The following ENOX1 variants were observed in gnomAD, a reference collection of about 807,000 sequenced individuals.
ENOX1 encodes the protein candidate growth-related and time keeping constitutive hydroquinone (NADH) oxidase.
In ENOX1, 42 loss-of-function variants were observed where a neutral mutation model predicts 82.5. The ratio of observed to expected loss-of-function variants is 0.51; its 90% CI spans 0.40 to 0.66. The LOEUF is 0.66. Ranked by LOEUF, ENOX1 falls within the 30% of genes least tolerant of loss-of-function variation. ENOX1 has a pLI of 0.00. For missense variants in ENOX1, 608 were observed against 811.6 expected (o/e 0.75, Z 3.05); for synonymous variants, 271 against 282.2 (o/e 0.96, Z 0.40).
chr13:43,385,147 A>G (rs1453487401), intron 5 of ENOX1, among the ~76,000 whole-genome samples: 1 of 152,170 alleles, frequency 6.6e-6, no homozygotes, highest in Non-Finnish European at 1.5e-5. Context: ...TACATTTGGG[A>G]TATTTCATAA....
chr13:43,302,535 G>T (rs1451861339), intron 11 of ENOX1, among the ~76,000 whole-genome samples: 2 of 152,162 alleles, frequency 1.3e-5, no homozygotes, highest in African/African-American at 4.8e-5. Context: ...TGCTAGGCAA[G>T]ATTGTTATAC....
intron 2 of ENOX1, among the ~76,000 whole-genome samples, chr13:43,642,698 T>C (rs1172434099): frequency 6.6e-6 from 1 of 152,184 alleles, no homozygotes; most frequent in African/African-American, 2.4e-5. Flanking sequence ...TGGGATTGGA[T>C]TCCTTTACTT....
chr13:43,415,388 C>T (rs1594444808), intron 3 of ENOX1, among the ~76,000 whole-genome samples: 1 of 151,742 alleles, frequency 6.6e-6, no homozygotes, highest in African/African-American at 2.4e-5. Flanking sequence ...GGCAGAGGTC[C>T]CTGCGGCCTT....
chr13:43,484,978 A>G (rs1298282794), intron 2 of ENOX1, among the ~76,000 whole-genome samples: 2 of 152,104 alleles, frequency 1.3e-5, no homozygotes, highest in Non-Finnish European at 2.9e-5. Context: ...CAAACTTCTC[A>G]TCTTCCTCTG....
At chr13:43,451,247 C>T (rs1413563717) in intron 3 of ENOX1, among the ~76,000 whole-genome samples, 1 of 152,140 alleles carries the variant, frequency 6.6e-6, no homozygotes, top group East Asian at 1.9e-4. Flanking sequence ...TAAGAGCAAA[C>T]TTTGCTAGTG....
intron 2 of ENOX1, among the ~76,000 whole-genome samples, chr13:43,511,682 A>G (rs1416188074): frequency 6.6e-6 from 1 of 152,192 alleles, no homozygotes; most frequent in Non-Finnish European, 1.5e-5. Flanking sequence ...ACACAGCACT[A>G]TAACATTTCA....
intron 1 of ENOX1, among the ~76,000 whole-genome samples, chr13:43,759,010 A>G (rs1353044975): frequency 6.6e-6 from 1 of 152,176 alleles, no homozygotes; most frequent in Admixed American, 6.5e-5. Flanking sequence ...TAGAAAACCA[A>G]GAAAAACAGC....
At chr13:43,488,235 G>A (rs1593451427) in intron 2 of ENOX1, among the ~76,000 whole-genome samples, 1 of 152,288 alleles carries the variant, frequency 6.6e-6, no homozygotes, top group East Asian at 1.9e-4. Flanking sequence ...ATTAGGCCAT[G>A]AGGACTCCTC....
chr13:43,782,469 T>C (rs1952333883), intron 1 of ENOX1, among the ~76,000 whole-genome samples: 1 of 152,210 alleles, frequency 6.6e-6, no homozygotes, highest in Admixed American at 6.5e-5. Context: ...TCCTTCTAGC[T>C]AGAATAAGTT....
chr13:43,284,223 T>A (rs1013614223), intron 12 of ENOX1, among the ~76,000 whole-genome samples: 1 of 152,052 alleles, frequency 6.6e-6, no homozygotes, highest in South Asian at 2.1e-4. Flanking sequence ...TTCCTGAAAG[T>A]GAAGTTAAGT....
intron 1 of ENOX1, among the ~76,000 whole-genome samples, chr13:43,724,210 C>G (rs899333223): frequency 6.6e-6 from 1 of 152,170 alleles, no homozygotes; most frequent in Non-Finnish European, 1.5e-5. Context: ...CAGTCCTTTT[C>G]AGTTAAATAA....
chr13:43,372,999 T>G (rs2051343997), intron 5 of ENOX1, among the ~76,000 whole-genome samples: 1 of 152,112 alleles, frequency 6.6e-6, no homozygotes, highest in Admixed American at 6.5e-5. Flanking sequence ...TGAGGATTAG[T>G]GTTACGAATT....
At chr13:43,446,590 A>T (rs1466227137) in intron 3 of ENOX1, among the ~76,000 whole-genome samples, 1 of 152,080 alleles carries the variant, frequency 6.6e-6, no homozygotes, top group East Asian at 1.9e-4. Flanking sequence ...CTACCTCTCT[A>T]TGCCCTCCAT....
At chr13:43,431,986 G>C (rs992244367) in intron 3 of ENOX1, among the ~76,000 whole-genome samples, 3 of 152,080 alleles carry the variant, frequency 2.0e-5, no homozygotes, top group Non-Finnish European at 2.9e-5. Flanking sequence ...ATACCCCAGA[G>C]CTTAAATTAT....
intron 1 of ENOX1, among the ~76,000 whole-genome samples, chr13:43,780,619 G>A (rs1952202988): frequency 6.6e-6 from 1 of 152,172 alleles, no homozygotes; most frequent in African/African-American, 2.4e-5. Flanking sequence ...GTTGTCTTCA[G>A]GGACACTACC....
intron 1 of ENOX1, among the ~76,000 whole-genome samples, chr13:43,782,747 A>G (rs1048224735): frequency 6.6e-6 from 1 of 152,224 alleles, no homozygotes; most frequent in East Asian, 1.9e-4. Context: ...TATTACACAC[A>G]ATATATATTT....
At position 43,404,624 on chromosome 13, in the gene ENOX1, A is replaced by T. The variant is rs151146852; in HGVS notation, c.208+7292T>A. On this transcript the variant is annotated intron_variant, in intron 5 of 16. Coordinates refer to ENST00000690772, the MANE Select transcript of ENOX1 (RefSeq NM_001347969.2). ...ACAATTATAATTAGTCATTTGTATA[A>T]TTATTTGATAACATCTTCTTTAGAG... 7.9e-5 allele frequency among the ~76,000 whole-genome samples: 12 copies of T among 152,326 alleles called. No homozygotes were observed. In the East Asian group the frequency reaches 2.3e-3, roughly 29 times the overall value.
chr13:43,269,856 T>C (rs894438350), intron 12 of ENOX1, among the ~76,000 whole-genome samples: 1 of 152,254 alleles, frequency 6.6e-6, no homozygotes, highest in African/African-American at 2.4e-5. Context: ...TGTAAAACTA[T>C]ATAGGATAGT....
At chr13:43,615,628 A>C (rs2082374080) in intron 2 of ENOX1, among the ~76,000 whole-genome samples, 1 of 152,082 alleles carries the variant, frequency 6.6e-6, no homozygotes, top group Non-Finnish European at 1.5e-5. Context: ...TCTGGGATAC[A>C]TGTGCATAGA....
Sources: allele counts gnomAD v4.1 joint callset (sites outside exome capture counted in the v4.1 genomes callset), GRCh38; gene constraint gnomAD v4.1.1; transcripts MANE v1.5; gene names NCBI Gene and HGNC (gene_info 2026-07-23, HGNC 2026-07-21).